The following OPCML variants were observed in gnomAD, a reference collection of about 807,000 sequenced individuals.
OPCML encodes opioid binding protein/cell adhesion molecule like, also known as opioid-binding protein/cell adhesion molecule.
Under a neutral mutation model 37.8 loss-of-function variants are expected in OPCML, and 13 were observed. The ratio of observed to expected loss-of-function variants is 0.34; its 90% confidence interval spans 0.22 to 0.55. The LOEUF (loss-of-function observed/expected upper bound fraction) is 0.55. Ranked by LOEUF, OPCML falls within the 20% of genes least tolerant of loss-of-function variation. The pLI is 0.91. For synonymous variants in OPCML, 176 were observed against 168.8 expected, an observed-to-expected ratio of 1.04 and a Z score of -0.33; for missense variants, 341 against 435.6, an observed-to-expected ratio of 0.78 and a Z score of 1.93.
rs78804734 is a variant in OPCML at position 132,962,242 on chromosome 11, G to A, written c.62-19232C>T. Among the ~76,000 whole-genome samples the A allele has an allele frequency of 7.6e-3, 1,152 of 152,308 alleles. 17 individuals carry two copies. The highest frequency in any genetic ancestry group is 0.026 in the African/African-American group (1,094 of 41,568). On this transcript the variant is annotated intron_variant, in intron 1 of 7. Transcript: ENST00000524381. ...GAGGCTTCTTGATGAATCATCTCAG[G>A]AAGAAAACTGAGCAAGGGGAAAGCA...
chr11:132,748,543 C>G (rs1292758617), intron 2 of OPCML, among the ~76,000 whole-genome samples: 2 of 152,088 alleles, frequency 1.3e-5, no homozygotes, highest in Non-Finnish European at 1.5e-5. Context: ...AAGCAAGGAG[C>G]CTGAGTGTGG....
At chr11:132,978,334 T>C (rs772441349) in intron 1 of OPCML, among the ~76,000 whole-genome samples, 1 of 152,198 alleles carries the variant, frequency 6.6e-6, no homozygotes, top group African/African-American at 2.4e-5. Context: ...TGATCAGATT[T>C]TGGTTTAACA....
chr11:133,228,193 C>T (rs575794455), intron 1 of OPCML, among the ~76,000 whole-genome samples: 77 of 152,250 alleles, frequency 5.1e-4, no homozygotes, highest in South Asian at 1.5e-3. Context: ...ACACTGTATA[C>T]GTCTTTCACT....
At chr11:132,583,079 G>C (rs947489463) in intron 3 of OPCML, among the ~76,000 whole-genome samples, 2 of 151,736 alleles carry the variant, frequency 1.3e-5, no homozygotes, top group African/African-American at 4.8e-5. Context: ...TTTTGAAACT[G>C]GGTCTCCCTC....
At chr11:132,710,705 A>T (rs902186683) in intron 2 of OPCML, among the ~76,000 whole-genome samples, 7 of 147,654 alleles carry the variant, frequency 4.7e-5, no homozygotes, top group Non-Finnish European at 7.5e-5. Flanking sequence ...AAAAAAAAAA[A>T]TTAGCCAGGT....
At chr11:132,434,341 C>CAGTA (rs2096006524) in intron 7 of OPCML, among the ~76,000 whole-genome samples, 1 of 152,162 alleles carries the variant, frequency 6.6e-6, no homozygotes, top group South Asian at 2.1e-4. Flanking sequence ...CATCTTAGAA[C>CAGTA]AGTAGGGTTG....
chr11:133,428,552 AT>A (rs1257063469), intron 1 of OPCML, among the ~76,000 whole-genome samples: 3 of 152,250 alleles, frequency 2.0e-5, no homozygotes, highest in African/African-American at 7.2e-5. Context: ...AAAATACATA[AT>A]GGAATAAAAT....
chr11:132,519,492 G>A (rs1175720819), intron 4 of OPCML, among the ~76,000 whole-genome samples: 1 of 152,062 alleles, frequency 6.6e-6, no homozygotes, highest in Non-Finnish European at 1.5e-5. Context: ...TCACCCAAAA[G>A]GAGCATAAAT....
intron 1 of OPCML, chr11:133,420,589 C>T (rs1468788571): frequency 1.0e-6 from 1 of 984,954 alleles, no homozygotes; most frequent in Admixed American, 6.2e-5. Flanking sequence ...AACACTGAAA[C>T]ATTATTATTT....
At chr11:133,225,931 C>CATT (rs1396267289) in intron 1 of OPCML, among the ~76,000 whole-genome samples, 2 of 152,322 alleles carry the variant, frequency 1.3e-5, no homozygotes, top group African/African-American at 4.8e-5. Context: ...GCTTCCCATG[C>CATT]ATTACATCAT....
chr11:133,006,892 T>C (rs1411454446), intron 1 of OPCML: 7 of 985,458 alleles, frequency 7.1e-6, no homozygotes, highest in Non-Finnish European at 8.4e-6. Flanking sequence ...GCTATACCTG[T>C]CATGGGGCCA....
chr11:132,477,276 G>A (rs145035326), intron 4 of OPCML, among the ~76,000 whole-genome samples: 1 of 152,294 alleles, frequency 6.6e-6, no homozygotes, highest in African/African-American at 2.4e-5. Context: ...CTTTTCCCCA[G>A]TTAGCCTGTG....
At chr11:132,736,088 T>A (rs1417596273) in intron 2 of OPCML, among the ~76,000 whole-genome samples, 3 of 152,226 alleles carry the variant, frequency 2.0e-5, no homozygotes, top group Non-Finnish European at 2.9e-5. Flanking sequence ...CAGCAACTCC[T>A]ATGTATATCC....
At position 133,125,858 on chromosome 11, in the gene OPCML, T is replaced by G. The variant is rs28721434; in HGVS notation, c.62-182848A>C. The stretch of plus-strand genomic sequence containing the variant: ...TATATAGACACATGTATATAGTATA[T>G]ACACATGTATATATAGACACATGTA... On this transcript the variant is annotated intron_variant, in intron 1 of 7. Transcript: ENST00000524381. Among the ~76,000 whole-genome samples, 16 of 146,690 alleles carry G rather than the reference T, an allele frequency of 1.1e-4. 1 individual carries two copies. The East Asian group carries it at 2.8e-3, about 26-fold the overall frequency.
intron 2 of OPCML, among the ~76,000 whole-genome samples, chr11:132,688,503 A>G (rs959838978): frequency 3.4e-4 from 52 of 152,176 alleles, no homozygotes; most frequent in Admixed American, 3.1e-3. Context: ...GACCTCTCCA[A>G]TTAAAGGCTG....
intron 1 of OPCML, among the ~76,000 whole-genome samples, chr11:133,022,708 G>C (rs190995832): frequency 1.3e-5 from 2 of 152,096 alleles, no homozygotes; most frequent in African/African-American, 4.8e-5. Flanking sequence ...TTTTGGTGAC[G>C]CACCATGGAA....
At chr11:132,877,018 G>C (rs1021852663) in intron 2 of OPCML, among the ~76,000 whole-genome samples, 1 of 152,180 alleles carries the variant, frequency 6.6e-6, no homozygotes, top group Non-Finnish European at 1.5e-5. Flanking sequence ...AGAAAGCCTG[G>C]GCTTTGCCTC....
At chr11:133,240,759 G>C (rs573604404) in intron 1 of OPCML, among the ~76,000 whole-genome samples, 1 of 152,230 alleles carries the variant, frequency 6.6e-6, no homozygotes, top group South Asian at 2.1e-4. Context: ...ATCCAGTGTT[G>C]TTCTCCTCAT....
At chr11:132,583,471 TA>T (rs959703998) in intron 3 of OPCML, among the ~76,000 whole-genome samples, 37 of 152,218 alleles carry the variant, frequency 2.4e-4, no homozygotes, top group African/African-American at 8.4e-4. Flanking sequence ...GCTAACTTTT[TA>T]TTTTTTTTAT....
Sources: gnomAD v4.1 joint callset for allele counts (sites outside exome capture counted in the v4.1 genomes callset) on GRCh38, gnomAD v4.1.1 for gene constraint, MANE v1.5 for transcripts, NCBI Gene and HGNC (gene_info 2026-07-23, HGNC 2026-07-21) for gene names.